LITAF: variants seen among roughly 807,000 people sequenced by gnomAD.
The protein encoded by LITAF is lipopolysaccharide induced TNF factor, also known as lipopolysaccharide-induced tumor necrosis factor-alpha factor.
LITAF carries 9 observed loss-of-function variants against 14.5 expected under a neutral mutation model. That is an observed-to-expected ratio of 0.62 (90% confidence interval 0.37 to 1.08). LITAF has a LOEUF of 1.08. Ranked by LOEUF, LITAF falls within the 50% of genes least tolerant of loss-of-function variation. LITAF has a pLI of 0.01. For synonymous variants in LITAF, 98 were observed against 88.2 expected, an observed-to-expected ratio of 1.11 and a Z score of -0.62; for missense variants, 206 against 213.4, an observed-to-expected ratio of 0.97 and a Z score of 0.22.
chr16:11,576,344 C>T (rs370354678), intron 1 of LITAF, among the ~76,000 whole-genome samples: 5 of 152,160 alleles, frequency 3.3e-5, no homozygotes, highest in African/African-American at 9.6e-5. Flanking sequence ...TGGTGCATGC[C>T]TGTAGTCCCA....
At chr16:11,588,669 A>T (rs912091304), upstream of LITAF, among the ~76,000 whole-genome samples, 6 of 152,176 alleles carry the variant, frequency 3.9e-5, no homozygotes, top group African/African-American at 1.4e-4. Context: ...CATTCTCAGG[A>T]TGCAACCAAG....
chr16:11,627,486 G>C (rs1336181607), intron 3 of LITAF, among the ~76,000 whole-genome samples: 1 of 152,240 alleles, frequency 6.6e-6, no homozygotes. Context: ...GCATAAACCA[G>C]TTCCAGTGGG....
chr16:11,614,052 T>C (rs2065001241), intron 3 of LITAF, among the ~76,000 whole-genome samples: 1 of 152,148 alleles, frequency 6.6e-6, no homozygotes, highest in African/African-American at 2.4e-5. Context: ...TTGTGCCCAT[T>C]GTACAGACGG....
chr16:11,555,598 A>G (rs4270190), intron 2 of LITAF, among the ~76,000 whole-genome samples: 117,059 of 150,894 alleles, frequency 0.78, 45,703 homozygotes, highest in Admixed American at 0.84. Flanking sequence ...GGTCCAGGCT[A>G]TAGCGAGCCA....
intron 1 of LITAF, among the ~76,000 whole-genome samples, chr16:11,577,133 G>C (rs1366748960): frequency 6.6e-6 from 1 of 151,992 alleles, no homozygotes; most frequent in Non-Finnish European, 1.5e-5. Context: ...TCCCTAACTG[G>C]ACCATATTAC....
At chr16:11,552,868 C>A (rs760127784) in intron 3 of LITAF, among the ~76,000 whole-genome samples, 7 of 151,936 alleles carry the variant, frequency 4.6e-5, no homozygotes, top group Non-Finnish European at 1.0e-4. Context: ...AATCCCAGCA[C>A]TTTGGGAGGC....
upstream of LITAF, among the ~76,000 whole-genome samples, chr16:11,637,680 A>G (rs1281936608): frequency 6.6e-6 from 1 of 151,750 alleles, no homozygotes; most frequent in Non-Finnish European, 1.5e-5. Flanking sequence ...CCAGGAGTTC[A>G]AGACCAGCCT....
chr16:11,604,328 C>A (rs1373242142), intron 3 of LITAF, among the ~76,000 whole-genome samples: 1 of 152,198 alleles, frequency 6.6e-6, no homozygotes, highest in Non-Finnish European at 1.5e-5. Flanking sequence ...TCATGAGCCC[C>A]TGTGAAGCAA....
At chr16:11,631,103 G>C (rs1042955265) in intron 3 of LITAF, among the ~76,000 whole-genome samples, 2 of 152,162 alleles carry the variant, frequency 1.3e-5, no homozygotes, top group African/African-American at 4.8e-5. Context: ...TTGGGATTTG[G>C]ACTCAGGGCT....
chr16:11,629,827 G>A (rs928977443), intron 3 of LITAF, among the ~76,000 whole-genome samples: 11 of 152,228 alleles, frequency 7.2e-5, no homozygotes, highest in East Asian at 1.9e-4. Context: ...CATGGAGTGC[G>A]GTACGGATTA....
Position 11,578,486 on chromosome 16 carries a change from G to A in LITAF, c.-6+8400C>T, listed in dbSNP as rs139636207. On this transcript the variant is annotated intron_variant, in intron 1 of 3. Transcript: ENST00000622633. Reference sequence around the variant, plus strand: ...GCAGAGGTTGCAGCGAGCCAAGATCGCACCATTGCACTGTAGCCTGGGCAA... The same window carrying A: ...GCAGAGGTTGCAGCGAGCCAAGATCACACCATTGCACTGTAGCCTGGGCAA... Among the ~76,000 whole-genome samples the A allele has an allele frequency of 8.5e-5, 13 of 152,244 alleles. No individual in the cohort carries two copies. The East Asian group carries it at 1.7e-3, about 20-fold the overall frequency.
Position 11,557,892 on chromosome 16 carries a change from C to T in LITAF, c.-5-1157G>A, listed in dbSNP as rs372231813. Among the ~76,000 whole-genome samples, 43 of 152,352 alleles carry T rather than the reference C, an allele frequency of 2.8e-4. No individual in the cohort carries two copies. In the South Asian group the frequency reaches 8.7e-3, roughly 31 times the overall value. ...CCCTCCAGCCCTGGCAGAGCTGCTG[C>T]TCGCCTAGAATTACACCCTGCACCC... On this transcript the variant is annotated intron_variant, in intron 1 of 3. Coordinates refer to ENST00000622633, the MANE Select transcript of LITAF (RefSeq NM_001136472.2).
At chr16:11,639,769 C>G (rs1027257887), upstream of LITAF, among the ~76,000 whole-genome samples, 2 of 151,998 alleles carry the variant, frequency 1.3e-5, no homozygotes, top group Non-Finnish European at 2.9e-5. Flanking sequence ...CCGAGGAGGG[C>G]GGATCACTTG....
At chr16:11,635,411 T>C (rs941809251) in intron 2 of LITAF, among the ~76,000 whole-genome samples, 1 of 152,090 alleles carries the variant, frequency 6.6e-6, no homozygotes, top group Admixed American at 6.6e-5. Context: ...CCCTCTCCCC[T>C]CCCTTATGCC....
At chr16:11,571,347 G>A (rs1436617019) in intron 1 of LITAF, among the ~76,000 whole-genome samples, 5 of 152,148 alleles carry the variant, frequency 3.3e-5, no homozygotes, top group African/African-American at 7.2e-5. Context: ...GATTACAGGC[G>A]TGAGCCACTG....
chr16:11,587,449 G>T (rs1307327182), upstream of LITAF: 2 of 453,896 alleles, frequency 4.4e-6, no homozygotes, highest in African/African-American at 2.0e-5. Flanking sequence ...TGTGCCTTCG[G>T]GCATGTTACC....
upstream of LITAF, among the ~76,000 whole-genome samples, chr16:11,590,537 G>A (rs1189113568): frequency 1.7e-5 from 2 of 116,802 alleles, 1 homozygote; most frequent in Admixed American, 1.7e-4. Flanking sequence ...TTAAGTAAAG[G>A]AGACCGTCTC....
At chr16:11,578,628 A>G (rs894987732) in intron 1 of LITAF, among the ~76,000 whole-genome samples, 1 of 151,756 alleles carries the variant, frequency 6.6e-6, no homozygotes, top group African/African-American at 2.4e-5. Context: ...GGAATACTTT[A>G]CTCTCTCCCT....
intron 3 of LITAF, among the ~76,000 whole-genome samples, chr16:11,610,144 G>C (rs988768573): frequency 3.9e-5 from 6 of 152,220 alleles, no homozygotes; most frequent in African/African-American, 1.4e-4. Context: ...CAGGAGGACT[G>C]GGTGGTGGGG....
Sources: allele counts gnomAD v4.1 joint callset (sites outside exome capture counted in the v4.1 genomes callset), GRCh38; gene constraint gnomAD v4.1.1; transcripts MANE v1.5; gene names NCBI Gene and HGNC (gene_info 2026-07-23, HGNC 2026-07-21).